Variants in ZIC4 observed in about 807,000 individuals in gnomAD.
The protein encoded by ZIC4 is Zic family zinc finger 4.
Under a neutral mutation model 28.8 loss-of-function variants are expected in ZIC4, and 15 were observed. The ratio of observed to expected loss-of-function variants is 0.52; its 90% CI spans 0.35 to 0.80. The LOEUF (loss-of-function observed/expected upper bound fraction) is 0.80. ZIC4 is among the 30% of genes least tolerant of loss of function. The probability of loss-of-function intolerance (pLI) is 0.01; values close to 1 mark genes in which losing one functional copy is unlikely to be tolerated. For missense variants in ZIC4, 512 were observed against 467.1 expected, an observed-to-expected ratio of 1.10 and a Z score of -0.89; for synonymous variants, 220 against 198.1, an observed-to-expected ratio of 1.11 and a Z score of -0.93.
intron 1 of ZIC4, chr3:147,403,882 T>C: frequency 2.9e-6 from 4 of 1,361,458 alleles, no homozygotes; most frequent in East Asian, 2.5e-5. Flanking sequence ...CCAACCAGAA[T>C]TCCAACTGGC....
chr3:147,396,616 A>G lies in ZIC4; in HGVS notation c.71-147T>C, dbSNP rs1045756249. ...CAGAGCCAGACAGCGCCAGCAGTGA[A>G]CCCGGTGGACAGAGCAAGGCCAAAC... On this transcript the variant is annotated intron_variant, in intron 2 of 4. Transcript: ENST00000383075. This position sits in a 1 kb window ranked among gnomAD's most constrained non-coding sequence, Gnocchi z 4.2. The G allele has an allele frequency of 1.4e-5, 15 of 1,068,704 alleles. No individual in the cohort carries two copies. The highest frequency in any genetic ancestry group is 3.5e-5 in the Admixed American group (1 of 28,340). 66.2% of individuals were successfully genotyped at this position (1,068,704 alleles called of 1,614,324 possible).
Position 147,396,088 on chromosome 3 carries a change from ATGGTGC to A in ZIC4, c.446_451del (p.Ser149_Thr150del). On this transcript the variant is annotated inframe_deletion, in exon 3 of 5. Transcript: ENST00000383075. This position sits in a 1 kb window ranked among gnomAD's most constrained non-coding sequence, Gnocchi z 4.2. The stretch of plus-strand genomic sequence containing the variant: ...GGTGACGTGCGTGACCAGCTCGTGC[ATGGTGC>A]TGAAAGTTTTGGAGCAGAGGCTCGG... 4 of 1,614,188 alleles carry A rather than the reference ATGGTGC, an allele frequency of 2.5e-6. No homozygotes were observed. The highest frequency in any genetic ancestry group is 3.4e-6 in the Non-Finnish European group (4 of 1,180,044).
intron 3 of ZIC4, chr3:147,392,446 T>C: frequency 4.1e-6 from 4 of 985,148 alleles, no homozygotes; most frequent in Non-Finnish European, 4.8e-6. Context: ...CGCTGACGTG[T>C]AGGAGAGGAA....
intron 2 of ZIC4, among the ~76,000 whole-genome samples, chr3:147,397,670 G>A (rs1235456774): frequency 6.6e-6 from 1 of 152,138 alleles, no homozygotes; most frequent in East Asian, 1.9e-4. Context: ...GTCTCGTTGG[G>A]CAGTTTGTCC....
At chr3:147,404,105 C>T (rs1315525753) in intron 1 of ZIC4, 23 of 1,535,530 alleles carry the variant, frequency 1.5e-5, no homozygotes, top group Admixed American at 3.9e-5. Flanking sequence ...GCATGCTGGG[C>T]GTCCTCGCTC....
intron 4 of ZIC4, among the ~76,000 whole-genome samples, chr3:147,390,134 T>G (rs1380669565): frequency 2.0e-5 from 3 of 152,196 alleles, no homozygotes; most frequent in Non-Finnish European, 4.4e-5. Flanking sequence ...TGTTTATCTG[T>G]GTGCCCAGGC....
chr3:147,405,818 G>A (rs1241030491), intron 1 of ZIC4: 1 of 354,532 alleles, frequency 2.8e-6, no homozygotes, highest in Non-Finnish European at 5.2e-6. Context: ...CCATCGTCTT[G>A]CTGCCATCTG....
chr3:147,400,611 A>G (rs940389125), intron 2 of ZIC4, among the ~76,000 whole-genome samples: 2 of 152,236 alleles, frequency 1.3e-5, no homozygotes, highest in African/African-American at 4.8e-5. Context: ...GGGACCAGAC[A>G]TTCTCCTCGA....
intron 4 of ZIC4, among the ~76,000 whole-genome samples, chr3:147,390,402 G>A (rs1172997474): frequency 6.6e-6 from 1 of 152,046 alleles, no homozygotes; most frequent in Non-Finnish European, 1.5e-5. Flanking sequence ...ATGTGGGGGA[G>A]GGGAGGGTTA....
At chr3:147,402,977 G>T (rs1262277083) in intron 1 of ZIC4, among the ~76,000 whole-genome samples, 165 bp from the exon 2 acceptor site, 1 of 152,144 alleles carries the variant, frequency 6.6e-6, no homozygotes, top group Non-Finnish European at 1.5e-5. Context: ...AAAGGATTTT[G>T]CCGGGAACAG....
chr3:147,393,449 T>G, intron 3 of ZIC4: 1 of 156,774 alleles, frequency 6.4e-6, no homozygotes, highest in Non-Finnish European at 1.4e-5. Flanking sequence ...CCTGGGTGGG[T>G]GGGTGAATGT....
At chr3:147,405,210 C>T (rs1454276294) in intron 1 of ZIC4, among the ~76,000 whole-genome samples, 2 of 152,194 alleles carry the variant, frequency 1.3e-5, no homozygotes, top group Non-Finnish European at 1.5e-5. Flanking sequence ...TCCGGGTGCC[C>T]AGAATAGAGT....
intron 4 of ZIC4, among the ~76,000 whole-genome samples, chr3:147,390,188 C>A (rs572520688): frequency 6.6e-6 from 1 of 152,248 alleles, no homozygotes; most frequent in South Asian, 2.1e-4. Context: ...CCACCCACCC[C>A]CTGCTGAAAA....
chr3:147,389,953 A>T (rs1420969057), intron 4 of ZIC4, among the ~76,000 whole-genome samples: 2 of 152,256 alleles, frequency 1.3e-5, no homozygotes, highest in East Asian at 3.9e-4. Context: ...CTACAAGACT[A>T]CACAGGCAAC....
At chr3:147,393,568 A>C in intron 3 of ZIC4, 1 of 267,998 alleles carries the variant, frequency 3.7e-6, no homozygotes, top group South Asian at 3.5e-5. Context: ...GCAGTCCTGA[A>C]AGGCCTCCTC....
chr3:147,395,818 G>A lies in ZIC4; in HGVS notation c.688+34C>T, dbSNP rs1313869509. 3.2e-6 allele frequency: 5 copies of A among 1,582,056 alleles called. No individual in the cohort carries two copies. The African/African-American group carries it at 4.0e-5, about 13-fold the overall frequency. ...GACCCGAGGGCCTGCTTCCCCAGAG[G>A]GTCCGCACGCGACAGACAGCGCCGA... is the stretch of plus-strand genomic sequence containing the variant. On this transcript the variant is annotated intron_variant, in intron 3 of 4. Transcript: ENST00000383075.
intron 2 of ZIC4, among the ~76,000 whole-genome samples, chr3:147,400,895 C>T (rs2087152481): frequency 1.3e-5 from 2 of 152,156 alleles, no homozygotes; most frequent in Admixed American, 1.3e-4. Flanking sequence ...TATACCTGCC[C>T]CCAACACCAA....
chr3:147,405,526 T>C lies in ZIC4; in HGVS notation c.-16+837A>G, dbSNP rs1002191815. ...GCCAGTCCTAGCTTTCTTTCACAGC[T>C]CAGCTCTATTCCCTCCTCATTGGCC... On this transcript the variant is annotated intron_variant, in intron 1 of 4. Coordinates refer to ENST00000383075, the MANE Select transcript of ZIC4 (RefSeq NM_032153.6). The C allele has an allele frequency of 2.7e-6, 4 of 1,508,416 alleles. No individual in the cohort carries two copies. The Admixed American group carries it at 7.8e-5, about 30-fold the overall frequency. The allele number at this position is 1,508,416 out of a possible 1,614,324, so 93.4% of individuals were successfully genotyped here.
intron 1 of ZIC4, chr3:147,405,681 C>T: frequency 1.6e-6 from 1 of 616,352 alleles, no homozygotes; most frequent in Admixed American, 2.7e-5. Flanking sequence ...GAACCCACTG[C>T]TGGCCGCGCG....
Sources: gnomAD v4.1 joint callset for allele counts (sites outside exome capture counted in the v4.1 genomes callset) on GRCh38, gnomAD v4.1.1 for gene constraint, Gnocchi (gnomAD v3.1) non-coding constraint, MANE v1.5 for transcripts, NCBI Gene and HGNC (gene_info 2026-07-23, HGNC 2026-07-21) for gene names.